PDIA5: variants seen among roughly 807,000 people sequenced by gnomAD.
The protein encoded by PDIA5 is protein disulfide isomerase family A member 5, also known as protein disulfide-isomerase A5.
Under a neutral mutation model 77.6 loss-of-function variants are expected in PDIA5, and 58 were observed. The observed-to-expected ratio is 0.75, with a 90% CI of 0.61 to 0.93. The LOEUF is 0.93. Among genes scored for constraint, PDIA5 ranks in the 40% least tolerant of loss-of-function variants. The probability of loss-of-function intolerance (pLI) is 0.00; values close to 1 mark genes in which losing one functional copy is unlikely to be tolerated. For missense variants in PDIA5, 630 were observed against 647.7 expected (o/e 0.97, Z 0.30); for synonymous variants, 250 against 252.1 (o/e 0.99, Z 0.08).
At chr3:123,085,059 C>T (rs1934100955) in intron 1 of PDIA5, among the ~76,000 whole-genome samples, 2 of 152,234 alleles carry the variant, frequency 1.3e-5, no homozygotes, top group Admixed American at 1.3e-4. Flanking sequence ...CAGACACCCC[C>T]TGAGCTGTGG....
chr3:123,094,813 A>G (rs1204366397), intron 3 of PDIA5, among the ~76,000 whole-genome samples: 4 of 152,196 alleles, frequency 2.6e-5, no homozygotes, highest in Non-Finnish European at 4.4e-5. Flanking sequence ...TGAGGCACCC[A>G]TCTCTCATCC....
At chr3:123,139,141 A>G (rs757562738) in intron 11 of PDIA5, among the ~76,000 whole-genome samples, 1 of 152,214 alleles carries the variant, frequency 6.6e-6, no homozygotes, top group African/African-American at 2.4e-5. Flanking sequence ...ATAAAAGCCC[A>G]ACAAGGAAGT....
intron 3 of PDIA5, among the ~76,000 whole-genome samples, chr3:123,100,661 C>T (rs1477938873): frequency 6.6e-6 from 1 of 152,236 alleles, no homozygotes; most frequent in Non-Finnish European, 1.5e-5. Flanking sequence ...CACTCCTCCT[C>T]TCTGACCACC....
intron 12 of PDIA5, among the ~76,000 whole-genome samples, chr3:123,145,839 T>C (rs138488710): frequency 1.4e-3 from 209 of 152,324 alleles, no homozygotes; most frequent in African/African-American, 4.7e-3. Context: ...TCTGGGACCC[T>C]GGCTAACAGG....
intron 3 of PDIA5, among the ~76,000 whole-genome samples, chr3:123,094,425 A>AGGCG (rs1486437207): frequency 6.6e-6 from 1 of 152,232 alleles, no homozygotes; most frequent in African/African-American, 2.4e-5. Flanking sequence ...AGGCCACTCT[A>AGGCG]GGCGGCAGCT....
intron 14 of PDIA5, among the ~76,000 whole-genome samples, chr3:123,154,692 G>T (rs1024211178): frequency 6.6e-6 from 1 of 152,304 alleles, no homozygotes; most frequent in East Asian, 1.9e-4. Context: ...GTCCTCTGTG[G>T]AAGGAGCAGA....
intron 8 of PDIA5, among the ~76,000 whole-genome samples, chr3:123,116,828 A>C (rs1268038848): frequency 1.3e-5 from 2 of 152,106 alleles, no homozygotes; most frequent in Non-Finnish European, 2.9e-5. Flanking sequence ...TGGGGAGCGA[A>C]AGACCTGGGA....
In PDIA5 at chr3:123,130,630, T is replaced by A; in HGVS notation, c.910+14T>A. 3 of 1,613,768 alleles carry A rather than the reference T, an allele frequency of 1.9e-6. No individual in the cohort carries two copies. Among genetic ancestry groups the A allele is most frequent in the Non-Finnish European group, 1.7e-6 (2 of 1,179,714 alleles). ...TCCACGCCCCATGTGAGTGGAACTT[T>A]GCTCCTCCCCCTCCACACCCTCCCC... On this transcript the variant is annotated intron_variant, in intron 11 of 16. Transcript: ENST00000316218.
rs943385054 is a variant in PDIA5 at position 123,067,259 on chromosome 3, C to T, written c.42+53C>T. The T allele has an allele frequency of 4.7e-5, 57 of 1,211,024 alleles. No homozygotes were observed. In the Admixed American group the frequency reaches 5.1e-4, roughly 11 times the overall value. The allele number at this position is 1,211,024 out of a possible 1,614,324, so 75.0% of individuals were successfully genotyped here. On this transcript the variant is annotated intron_variant, in intron 1 of 16. Transcript: ENST00000316218. ...CGGGCCAGCACGTGTGTCCCGCGTG[C>T]CCTTCTGCGCTCTCTGCTCCAGCCC...
chr3:123,159,368 T>C (rs1184149151), intron 15 of PDIA5, among the ~76,000 whole-genome samples: 2 of 152,088 alleles, frequency 1.3e-5, no homozygotes, highest in African/African-American at 2.4e-5. Context: ...TAAAGTGCGT[T>C]AGAGGTGGGC....
At chr3:123,158,909 A>C (rs1936084181) in intron 15 of PDIA5, among the ~76,000 whole-genome samples, 1 of 152,218 alleles carries the variant, frequency 6.6e-6, no homozygotes, top group African/African-American at 2.4e-5. Flanking sequence ...CTTTCCAAAG[A>C]GTCTAAGCTG....
In PDIA5 at chr3:123,155,497, A is replaced by G. The variant is rs190313015; in HGVS notation, c.1344+456A>G. Among the ~76,000 whole-genome samples the G allele has an allele frequency of 9.8e-5, 15 of 152,376 alleles. No individual in the cohort carries two copies. The East Asian group carries it at 2.3e-3, about 24-fold the overall frequency. ...CTGCCGACTGATGAAGCATAAAATT[A>G]ACAAGCTAGAGCTGCAGATTGGATT... On this transcript the variant is annotated intron_variant, in intron 15 of 16. Transcript: ENST00000316218.
intron 1 of PDIA5, among the ~76,000 whole-genome samples, chr3:123,083,920 T>C (rs1276675460): frequency 6.6e-6 from 1 of 152,038 alleles, no homozygotes; most frequent in African/African-American, 2.4e-5. Flanking sequence ...CCCTTGGGCT[T>C]ATGGGGAGGG....
At position 123,125,272 on chromosome 3, in the gene PDIA5, C is replaced by G. The variant is rs535373011; in HGVS notation, c.773+929C>G. On this transcript the variant is annotated intron_variant, in intron 10 of 16. Transcript: ENST00000316218. ...AACAACAGCCAACATCTTTTGGGCT[C>G]TCCTTTGTGGCTGACATTGTTCTAA... 1.7e-4 allele frequency among the ~76,000 whole-genome samples: 26 copies of G among 152,332 alleles called. No homozygotes were observed. The South Asian group carries it at 5.2e-3, about 30-fold the overall frequency.
chr3:123,116,081 T>C (rs1443725887), intron 7 of PDIA5, 150 bp from the exon 8 acceptor site: 1 of 691,726 alleles, frequency 1.4e-6, no homozygotes, highest in Admixed American at 2.2e-5. Context: ...TCCTGTTCCT[T>C]TTGTGTCCCC....
At chr3:123,135,777 G>A (rs1576458595) in intron 11 of PDIA5, among the ~76,000 whole-genome samples, 1 of 76,658 alleles carries the variant, frequency 1.3e-5, no homozygotes, top group Non-Finnish European at 2.6e-5. Flanking sequence ...TTACTTTTTG[G>A]CATCATTCTT....
intron 1 of PDIA5, among the ~76,000 whole-genome samples, chr3:123,073,962 T>C (rs1023005708): frequency 6.6e-6 from 1 of 152,216 alleles, no homozygotes; most frequent in African/African-American, 2.4e-5. Context: ...GTGGGCCTGG[T>C]AGGAAAGCTC....
intron 16 of PDIA5, 168 bp from the exon 17 acceptor site, chr3:123,161,711 CG>C: frequency 3.0e-6 from 2 of 667,334 alleles, no homozygotes; most frequent in Non-Finnish European, 5.2e-6. Context: ...ACTTGCTGGT[CG>C]GGGCTGGTGC....
intron 1 of PDIA5, among the ~76,000 whole-genome samples, chr3:123,081,483 C>T (rs907824974): frequency 1.3e-5 from 2 of 152,186 alleles, no homozygotes; most frequent in African/African-American, 2.4e-5. Context: ...GAGTCCCTTT[C>T]GTACCAGCTT....
Sources: gnomAD v4.1 joint callset for allele counts (sites outside exome capture counted in the v4.1 genomes callset) on GRCh38, gnomAD v4.1.1 for gene constraint, MANE v1.5 for transcripts, NCBI Gene and HGNC (gene_info 2026-07-23, HGNC 2026-07-21) for gene names.